The following RNF217 variants were observed in gnomAD, a reference collection of about 807,000 sequenced individuals.
The protein encoded by RNF217 is E3 ubiquitin-protein ligase RNF217.
In RNF217, 31 loss-of-function variants were observed where a neutral mutation model predicts 57.8. The observed-to-expected ratio is 0.54, with a 90% CI of 0.40 to 0.72. The LOEUF is 0.72. Among genes scored for constraint, RNF217 ranks in the 30% least tolerant of loss-of-function variants. The pLI is 0.00. For synonymous variants in RNF217, 313 were observed against 294.0 expected (o/e 1.06, Z -0.66); for missense variants, 696 against 708.3 (o/e 0.98, Z 0.20).
intron 3 of RNF217, among the ~76,000 whole-genome samples, chr6:125,067,944 A>T (rs1461381657): frequency 6.6e-6 from 1 of 152,206 alleles, no homozygotes. Context: ...CTGAAGCAAT[A>T]GTGTATCAAA....
At chr6:125,017,938 C>T (rs144013973) in intron 1 of RNF217, among the ~76,000 whole-genome samples, 57 of 152,252 alleles carry the variant, frequency 3.7e-4, no homozygotes, top group African/African-American at 1.3e-3. Context: ...CATATTTTCA[C>T]GAATCACATT....
In RNF217 at chr6:125,011,706, A is replaced by T. The variant is rs569217687; in HGVS notation, c.883-33505A>T. On this transcript the variant is annotated intron_variant, in intron 1 of 5. Coordinates refer to ENST00000521654, the MANE Select transcript of RNF217 (RefSeq NM_001286398.3). ...TAAAAAAGTCACCTTTAATTTTTTT[A>T]AAAATGATTTACTAGGAACCCAGTA... 7.9e-5 allele frequency among the ~76,000 whole-genome samples: 12 copies of T among 152,282 alleles called. No individual in the cohort carries two copies. The South Asian group carries it at 1.9e-3, about 24-fold the overall frequency.
At chr6:124,971,453 TTTTTG>T (rs1562446121) in intron 1 of RNF217, 5 of 329,716 alleles carry the variant, frequency 1.5e-5, no homozygotes, top group Admixed American at 3.5e-5. Context: ...GTTAAGTTTT[TTTTTG>T]TTTGTTTGTT....
rs1451645861 is a variant in RNF217 at position 125,088,136 on chromosome 6, C to T, written c.*5199C>T. ...TCTGGAGTAGCTGGGATTACAAGCA[C>T]GTGCCTACTATGCCTGTCTTCAAAA... On this transcript the variant is annotated 3_prime_UTR_variant, in exon 6 of 6. Coordinates refer to ENST00000521654, the MANE Select transcript of RNF217 (RefSeq NM_001286398.3). 1 of 150,602 alleles carries T rather than the reference C, an allele frequency of 6.6e-6. No individual in the cohort carries two copies. Among genetic ancestry groups the T allele is most frequent in the Non-Finnish European group, 1.5e-5 (1 of 67,840 alleles). 9.3% of individuals were successfully genotyped at this position (150,602 alleles called of 1,614,324 possible).
At chr6:124,978,659 A>G (rs1216407006) in intron 1 of RNF217, among the ~76,000 whole-genome samples, 1 of 152,070 alleles carries the variant, frequency 6.6e-6, no homozygotes, top group African/African-American at 2.4e-5. Context: ...CTCGTCGCCC[A>G]CAGCTCAGTG....
intron 2 of RNF217, among the ~76,000 whole-genome samples, chr6:125,055,791 A>T (rs1270099979): frequency 2.0e-5 from 3 of 152,170 alleles, no homozygotes; most frequent in African/African-American, 7.2e-5. Context: ...TTGGAAAGGA[A>T]GGCTCCATGT....
chr6:125,045,660 A>G (rs1787069660), intron 2 of RNF217, among the ~76,000 whole-genome samples: 1 of 152,134 alleles, frequency 6.6e-6, no homozygotes, highest in African/African-American at 2.4e-5. Context: ...GACTTTAACC[A>G]TGTTGAAAAT....
At chr6:124,972,346 C>G (rs966420281) in intron 1 of RNF217, among the ~76,000 whole-genome samples, 1 of 152,170 alleles carries the variant, frequency 6.6e-6, no homozygotes, top group Non-Finnish European at 1.5e-5. Flanking sequence ...TGGATTCTTA[C>G]AAGAGCTTCC....
intron 1 of RNF217, chr6:125,006,103 A>C (rs1031469358): frequency 2.0e-4 from 30 of 152,332 alleles, no homozygotes; most frequent in African/African-American, 7.2e-4. Flanking sequence ...AGGCTTGAGG[A>C]TACTTCCCAG....
intron 1 of RNF217, among the ~76,000 whole-genome samples, chr6:125,042,010 C>T (rs1786901642): frequency 6.6e-6 from 1 of 151,906 alleles, no homozygotes; most frequent in Non-Finnish European, 1.5e-5. Flanking sequence ...TTTTAAAATG[C>T]ATTCTTGAAT....
At position 125,087,227 on chromosome 6, in the gene RNF217, A is replaced by T. The variant is rs1373229003; in HGVS notation, c.*4290A>T. 1 of 152,170 alleles carries T rather than the reference A, an allele frequency of 6.6e-6. No homozygotes were observed. Among genetic ancestry groups the T allele is most frequent in the East Asian group, 1.9e-4 (1 of 5,192 alleles). The allele number at this position is 152,170 out of a possible 1,614,324, so 9.4% of individuals were successfully genotyped here. A position where few individuals can be genotyped will look rare whatever the true frequency, so the allele number is the denominator to read the frequency against. ...CTTTTATACTGGCTGTTACATTAGA[A>T]TTACAAAAAAGTTAGTGGCCTCTAT... On this transcript the variant is annotated 3_prime_UTR_variant, in exon 6 of 6. Coordinates refer to ENST00000521654, the MANE Select transcript of RNF217 (RefSeq NM_001286398.3).
chr6:125,040,055 T>A (rs1174605301), intron 1 of RNF217, among the ~76,000 whole-genome samples: 1 of 151,856 alleles, frequency 6.6e-6, no homozygotes, highest in African/African-American at 2.4e-5. Context: ...AGCAAACAAA[T>A]TCAAAAGCTA....
At chr6:125,078,787 T>A (rs1476832163) in intron 4 of RNF217, among the ~76,000 whole-genome samples, 3 of 152,146 alleles carry the variant, frequency 2.0e-5, no homozygotes, top group African/African-American at 7.2e-5. Flanking sequence ...GGCTTTAAGA[T>A]AAACTCTCTC....
chr6:125,075,144 G>C (rs80201123), intron 3 of RNF217, among the ~76,000 whole-genome samples: 1 of 152,072 alleles, frequency 6.6e-6, no homozygotes, highest in African/African-American at 2.4e-5. Flanking sequence ...ATTATGAGAT[G>C]GTTTTTGCAA....
At chr6:124,991,554 C>T (rs1784561905) in intron 1 of RNF217, among the ~76,000 whole-genome samples, 2 of 151,902 alleles carry the variant, frequency 1.3e-5, no homozygotes, top group African/African-American at 4.8e-5. Context: ...TCTTTTTCTC[C>T]CCGCAAGGCT....
At chr6:124,993,171 T>G (rs1784626514) in intron 1 of RNF217, among the ~76,000 whole-genome samples, 1 of 152,198 alleles carries the variant, frequency 6.6e-6, no homozygotes, top group Non-Finnish European at 1.5e-5. Flanking sequence ...TGACTTACTA[T>G]CAGAAACGCA....
At chr6:124,978,164 G>A (rs1469917437) in intron 1 of RNF217, among the ~76,000 whole-genome samples, 2 of 152,052 alleles carry the variant, frequency 1.3e-5, no homozygotes, top group Non-Finnish European at 2.9e-5. Flanking sequence ...TTAAAATAAA[G>A]CTCTCCAGGC....
Position 124,963,335 on chromosome 6 carries a change from G to C in RNF217, c.791G>C (p.Arg264Pro). The C allele has an allele frequency of 6.5e-7, 1 of 1,534,534 alleles. No homozygotes were observed. Among genetic ancestry groups the C allele is most frequent in the Non-Finnish European group, 8.7e-7 (1 of 1,146,068 alleles). ...GTGCCCCTCATGGTGCTGATGTGCC[G>C]GGTGTGCCTGGAAGACAAGCCCATC... is the stretch of plus-strand genomic sequence containing the variant. ...PYVPLMVLMC[R>P]VCLEDKPIKP... Residue 264 changes from arginine to proline, a missense_variant, in exon 1 of 6, where the codon CGG becomes CCG. By Grantham distance (103) the Arg-to-Pro change is moderately radical. This residue lies in a region of RNF217 where 465 missense variants were observed against 386.8 expected (regional missense o/e 1.20). Coordinates refer to ENST00000521654, the MANE Select transcript of RNF217 (RefSeq NM_001286398.3).
chr6:125,040,415 C>T (rs929869898), intron 1 of RNF217, among the ~76,000 whole-genome samples: 1 of 152,110 alleles, frequency 6.6e-6, no homozygotes, highest in Non-Finnish European at 1.5e-5. Context: ...CCTGAATAGA[C>T]CAATAACAAG....
Sources: allele counts gnomAD v4.1 joint callset (sites outside exome capture counted in the v4.1 genomes callset), GRCh38; gene constraint gnomAD v4.1.1; regional missense constraint gnomAD v4.1.1; transcripts MANE v1.5; gene names NCBI Gene and HGNC (gene_info 2026-07-23, HGNC 2026-07-21).